CRADD: variants seen among roughly 807,000 people sequenced by gnomAD.
CRADD encodes CARD and death domain containing adaptor protein, also known as death domain-containing protein CRADD.
A neutral mutation model predicts 15.5 loss-of-function variants in CRADD; 9 were observed. That is an observed-to-expected ratio of 0.58 (90% CI 0.35 to 1.01). The LOEUF (loss-of-function observed/expected upper bound fraction) is 1.01. Among genes scored for constraint, CRADD ranks in the 50% least tolerant of loss-of-function variants. The pLI is 0.02. For synonymous variants in CRADD, 118 were observed against 107.6 expected, an observed-to-expected ratio of 1.10 and a Z score of -0.60; for missense variants, 227 against 250.3, an observed-to-expected ratio of 0.91 and a Z score of 0.63.
intron 2 of CRADD, among the ~76,000 whole-genome samples, chr12:93,758,093 A>G (rs528861168): frequency 6.6e-6 from 1 of 152,368 alleles, no homozygotes; most frequent in East Asian, 1.9e-4. Context: ...TAAGAAATGA[A>G]GTCTATCCGT....
intron 2 of CRADD, among the ~76,000 whole-genome samples, chr12:93,882,619 C>T (rs1958510666): frequency 6.6e-6 from 1 of 152,094 alleles, no homozygotes; most frequent in Admixed American, 6.6e-5. Flanking sequence ...TTCTTCTTGG[C>T]TGGGTAACTC....
At chr12:93,729,998 G>T (rs1310559298) in intron 2 of CRADD, among the ~76,000 whole-genome samples, 1 of 152,130 alleles carries the variant, frequency 6.6e-6, no homozygotes, top group African/African-American at 2.4e-5. Context: ...AAGGTAATTT[G>T]CAAGAGAAGA....
chr12:93,838,538 C>T (rs1203537180), intron 2 of CRADD, among the ~76,000 whole-genome samples: 4 of 148,888 alleles, frequency 2.7e-5, no homozygotes, highest in Non-Finnish European at 4.4e-5. Context: ...TCCTTCCCTT[C>T]CTCCCTTGCT....
At position 93,812,862 on chromosome 12, in the gene CRADD, A is replaced by G. The variant is rs141316674; in HGVS notation, c.299-37108A>G. Among the ~76,000 whole-genome samples the G allele has an allele frequency of 1.7e-3, 260 of 152,354 alleles. 1 individual carries two copies. Among genetic ancestry groups the G allele is most frequent in the African/African-American group, 4.6e-3 (191 of 41,588 alleles). ...CTTGGTTAGTTATAATGCTATCGCAATATACCGCATCTTGAGTTGATTTTG... is the reference window on the plus strand; with the variant it reads ...CTTGGTTAGTTATAATGCTATCGCAGTATACCGCATCTTGAGTTGATTTTG... On this transcript the variant is annotated intron_variant, in intron 2 of 2. Transcript: ENST00000332896.
chr12:93,699,498 A>G (rs889305193), intron 2 of CRADD, among the ~76,000 whole-genome samples: 3 of 152,202 alleles, frequency 2.0e-5, no homozygotes, highest in Admixed American at 2.0e-4. Context: ...TAACCACAGA[A>G]AGCATTAAGC....
chr12:93,857,883 G>C (rs1958288185), intron 2 of CRADD, among the ~76,000 whole-genome samples: 2 of 152,222 alleles, frequency 1.3e-5, no homozygotes, highest in South Asian at 4.1e-4. Flanking sequence ...TAGCACATTG[G>C]AGATAGTTGA....
At chr12:93,829,733 C>T (rs1447347544) in intron 2 of CRADD, among the ~76,000 whole-genome samples, 1 of 152,038 alleles carries the variant, frequency 6.6e-6, no homozygotes, top group African/African-American at 2.4e-5. Flanking sequence ...CGCTGTGTCA[C>T]CCAGGCTGGA....
rs571497381 is a variant in CRADD, at chr12:93,826,231, T to TAA, written c.299-23736_299-23735dup. ...AAAGATTTCTTTAATAAGAAATGAATAAAACTATCAATGCTAAATAAAATA... is the reference window on the plus strand; with the variant it reads ...AAAGATTTCTTTAATAAGAAATGAATAAAAAACTATCAATGCTAAATAAAATA... On this transcript the variant is annotated intron_variant, in intron 2 of 2. Coordinates refer to ENST00000332896, the MANE Select transcript of CRADD (RefSeq NM_003805.5). Among the ~76,000 whole-genome samples the TAA allele has an allele frequency of 2.0e-5, 3 of 152,356 alleles. No homozygotes were observed. In the South Asian group the frequency reaches 6.2e-4, roughly 32 times the overall value.
downstream of CRADD, among the ~76,000 whole-genome samples, chr12:93,854,806 T>C (rs760378379): frequency 3.9e-5 from 6 of 152,212 alleles, no homozygotes; most frequent in Non-Finnish European, 7.3e-5. Flanking sequence ...ATGCTTAGCA[T>C]AATCTCCTAG....
intron 2 of CRADD, among the ~76,000 whole-genome samples, chr12:93,695,297 TAAAAATAAA>T (rs1955677099): frequency 6.6e-6 from 1 of 152,154 alleles, no homozygotes. Context: ...ACACCATGTA[TAAAAATAAA>T]CTCAAAATGG....
chr12:93,801,531 T>C (rs12314838), intron 2 of CRADD, among the ~76,000 whole-genome samples: 48,114 of 151,798 alleles, frequency 0.32, 7,909 homozygotes, highest in East Asian at 0.54. Context: ...CCTGAGTAGC[T>C]GGGATTACAA....
Position 93,850,420 on chromosome 12 carries a change from A to T in CRADD, c.*149A>T, listed in dbSNP as rs1253219076. 2 of 1,372,438 alleles carry T rather than the reference A, an allele frequency of 1.5e-6. No individual in the cohort carries two copies. The highest frequency in any genetic ancestry group is 1.9e-6 in the Non-Finnish European group (2 of 1,070,764). The allele number at this position is 1,372,438 out of a possible 1,614,324, so 85.0% of individuals were successfully genotyped here. On this transcript the variant is annotated 3_prime_UTR_variant, in exon 3 of 3. Transcript: ENST00000332896. This position sits in a 1 kb window ranked among gnomAD's most constrained non-coding sequence, Gnocchi z 4.0. ...AAGGAGAAAACAGGGTTTCCACTAGACATTACTTGAAAGGCCAGATTACTC... is the reference window on the plus strand; with the variant it reads ...AAGGAGAAAACAGGGTTTCCACTAGTCATTACTTGAAAGGCCAGATTACTC...
At chr12:93,706,735 A>G (rs60213412) in intron 2 of CRADD, among the ~76,000 whole-genome samples, 2,939 of 152,322 alleles carry the variant, frequency 0.019, 74 homozygotes, top group African/African-American at 0.066. Context: ...ACTATTTGCA[A>G]TTGAGTGTTT....
chr12:93,788,164 A>G lies in CRADD; in HGVS notation c.299-61806A>G, dbSNP rs182912577. Among the ~76,000 whole-genome samples the G allele has an allele frequency of 2.0e-3, 309 of 152,316 alleles. 2 individuals carry two copies. The highest frequency in any genetic ancestry group is 7.1e-3 in the African/African-American group (295 of 41,562). On this transcript the variant is annotated intron_variant, in intron 2 of 2. Coordinates refer to ENST00000332896, the MANE Select transcript of CRADD (RefSeq NM_003805.5). ...CAACACTGGGTAATTTCTAAAGGAA[A>G]GAGATTTAATTGACTCACAGTTTCT...
At chr12:93,842,646 G>A (rs1301539151) in intron 2 of CRADD, among the ~76,000 whole-genome samples, 2 of 152,178 alleles carry the variant, frequency 1.3e-5, no homozygotes, top group East Asian at 3.9e-4. Context: ...AATGCAATAG[G>A]GATTAGAGAG....
At chr12:93,893,697 G>T (rs1958592510) in intron 2 of CRADD, among the ~76,000 whole-genome samples, 1 of 152,114 alleles carries the variant, frequency 6.6e-6, no homozygotes, top group African/African-American at 2.4e-5. Context: ...CCTGAGGTCA[G>T]GAGTTCAGGA....
intron 2 of CRADD, among the ~76,000 whole-genome samples, chr12:93,809,007 CAGGTTCA>C (rs1463713942): frequency 6.6e-6 from 1 of 152,118 alleles, no homozygotes; most frequent in Non-Finnish European, 1.5e-5. Flanking sequence ...CTCCTTCTCC[CAGGTTCA>C]AGCGATTCTC....
intron 2 of CRADD, among the ~76,000 whole-genome samples, chr12:93,827,407 T>C (rs11107204): frequency 6.6e-6 from 1 of 152,218 alleles, no homozygotes; most frequent in Non-Finnish European, 1.5e-5. Flanking sequence ...TTGTCCCTTT[T>C]TAATGTAGGA....
intron 2 of CRADD, among the ~76,000 whole-genome samples, chr12:93,743,842 AT>A (rs967971683): frequency 7.3e-5 from 11 of 151,462 alleles, no homozygotes; most frequent in African/African-American, 2.4e-4. Flanking sequence ...TGTTAGCAAC[AT>A]TTTTTTTTAT....
Sources: gnomAD v4.1 joint callset for allele counts (sites outside exome capture counted in the v4.1 genomes callset) on GRCh38, gnomAD v4.1.1 for gene constraint, Gnocchi (gnomAD v3.1) non-coding constraint, MANE v1.5 for transcripts, NCBI Gene and HGNC (gene_info 2026-07-23, HGNC 2026-07-21) for gene names.